Variants in EDIL3 observed in about 807,000 individuals in gnomAD.
EDIL3 encodes EGF like and discoidin domains 3.
A neutral mutation model predicts 67.4 loss-of-function variants in EDIL3; 37 were observed. The ratio of observed to expected loss-of-function variants is 0.55; its 90% CI spans 0.42 to 0.72. The LOEUF (loss-of-function observed/expected upper bound fraction) is 0.72, where lower values mean the gene tolerates loss of function less well. Among genes scored for constraint, EDIL3 ranks in the 30% least tolerant of loss-of-function variants. The probability of loss-of-function intolerance (pLI) is 0.00; values close to 1 mark genes in which losing one functional copy is unlikely to be tolerated. For missense variants in EDIL3, 527 were observed against 586.3 expected (o/e 0.90, Z 1.04); for synonymous variants, 195 against 196.3 (o/e 0.99, Z 0.05).
intron 3 of EDIL3, among the ~76,000 whole-genome samples, chr5:84,189,430 T>C (rs1368681944): frequency 6.6e-6 from 1 of 152,026 alleles, no homozygotes; most frequent in Non-Finnish European, 1.5e-5. Context: ...AATTCCACAA[T>C]GACAGGTAAT....
At chr5:84,300,518 T>G (rs1220753785) in intron 1 of EDIL3, among the ~76,000 whole-genome samples, 1 of 152,240 alleles carries the variant, frequency 6.6e-6, no homozygotes, top group Non-Finnish European at 1.5e-5. Flanking sequence ...TGTTGCAATC[T>G]TATCTATAAA....
At chr5:84,059,374 G>A (rs1201972779) in intron 9 of EDIL3, among the ~76,000 whole-genome samples, 7 of 152,172 alleles carry the variant, frequency 4.6e-5, no homozygotes, top group African/African-American at 1.4e-4. Context: ...CTGCTCTCTA[G>A]CCTGGGCAAC....
At chr5:84,287,776 C>T (rs1430626552) in intron 1 of EDIL3, among the ~76,000 whole-genome samples, 3 of 152,098 alleles carry the variant, frequency 2.0e-5, no homozygotes, top group African/African-American at 7.2e-5. Context: ...ATTTTCTTTA[C>T]TTGGTTTCCA....
At position 84,280,135 on chromosome 5, in the gene EDIL3, G is replaced by T. The variant is rs74332581; in HGVS notation, c.68-25923C>A. 2.0e-3 allele frequency among the ~76,000 whole-genome samples: 312 copies of T among 152,252 alleles called. 1 individual carries two copies. Among genetic ancestry groups the T allele is most frequent in the African/African-American group, 7.2e-3 (298 of 41,554 alleles). ...TCTACATCTTTGCTTTCTATAAAAT[G>T]CCTAGCAAAGAATTGTTTCCTTGTG... On this transcript the variant is annotated intron_variant, in intron 1 of 10. Transcript: ENST00000296591.
chr5:84,185,394 C>T (rs1456965198), intron 3 of EDIL3, among the ~76,000 whole-genome samples: 2 of 152,010 alleles, frequency 1.3e-5, no homozygotes, highest in African/African-American at 2.4e-5. Context: ...TAATGTGAGA[C>T]TGATGTTATG....
chr5:84,054,019 A>G (rs1746395048), intron 9 of EDIL3, among the ~76,000 whole-genome samples: 1 of 152,228 alleles, frequency 6.6e-6, no homozygotes, highest in African/African-American at 2.4e-5. Flanking sequence ...AGAGAATTTT[A>G]GACCAATATC....
rs1744386778 is a variant in EDIL3 at position 83,949,859 on chromosome 5, A to G, written c.1294-6291T>C. On this transcript the variant is annotated intron_variant, in intron 10 of 10. Coordinates refer to ENST00000296591, the MANE Select transcript of EDIL3 (RefSeq NM_005711.5). ...CCCTTGGAATGGCCTGTCTGAGAAG[A>G]GTATTTTTGTTTCCCAGGGGGCTCT... 2.0e-5 allele frequency among the ~76,000 whole-genome samples: 3 copies of G among 151,754 alleles called. No individual in the cohort carries two copies. The South Asian group carries it at 6.2e-4, about 31-fold the overall frequency.
At chr5:84,257,737 A>G (rs1459210787) in intron 1 of EDIL3, among the ~76,000 whole-genome samples, 1 of 152,222 alleles carries the variant, frequency 6.6e-6, no homozygotes, top group Non-Finnish European at 1.5e-5. Context: ...ATGTAGAATT[A>G]AAGAGCCTCT....
At chr5:84,036,605 G>A (rs973744951) in intron 9 of EDIL3, among the ~76,000 whole-genome samples, 2 of 152,106 alleles carry the variant, frequency 1.3e-5, no homozygotes, top group African/African-American at 4.8e-5. Flanking sequence ...ACCTCAAGCA[G>A]GTGGGAATTT....
intron 9 of EDIL3, among the ~76,000 whole-genome samples, chr5:83,977,391 A>T (rs1043067048): frequency 6.6e-6 from 1 of 151,844 alleles, no homozygotes; most frequent in African/African-American, 2.4e-5. Context: ...CACAAGGAAG[A>T]TTCTCAATCA....
chr5:84,245,409 C>T (rs1178894220), intron 2 of EDIL3, among the ~76,000 whole-genome samples: 1 of 152,100 alleles, frequency 6.6e-6, no homozygotes, highest in African/African-American at 2.4e-5. Context: ...CATTATAAAT[C>T]TCAATTTCTC....
chr5:83,983,027 T>TC (rs1744997512), intron 9 of EDIL3, among the ~76,000 whole-genome samples: 1 of 152,134 alleles, frequency 6.6e-6, no homozygotes, highest in South Asian at 2.1e-4. Context: ...CTCATGGGTC[T>TC]CCCCCAGTGG....
intron 5 of EDIL3, among the ~76,000 whole-genome samples, chr5:84,122,211 A>G (rs569128306): frequency 1.3e-5 from 2 of 152,008 alleles, no homozygotes; most frequent in South Asian, 2.1e-4. Flanking sequence ...TGGACTGTCC[A>G]TAACTCTTTC....
Position 84,064,715 on chromosome 5 carries a change from C to A in EDIL3, c.937G>T (p.Gly313Cys). ...RHCTLRMELLGCELSGCSEPL... is the reference protein window; with the variant it reads ...RHCTLRMELLCCELSGCSEPL... ...TGAGACTTACCCGACAGTTCACAGC[C>A]AAGAAGTTCCATTCGCAAAGTGCAA... The change falls in exon 8 of 11, where the codon GGC (glycine) becomes TGC (cysteine). Residue 313 changes from glycine to cysteine, a missense_variant. Physicochemically the swap from Gly to Cys is radical, Grantham distance 159 (BLOSUM62 -3). Around this residue, in one of 2 missense-constraint regions of EDIL3, gnomAD observed 494 missense variants for 522.5 expected, o/e 0.95. Transcript: ENST00000296591. 1 of 1,612,322 alleles carries A rather than the reference C, an allele frequency of 6.2e-7. No individual in the cohort carries two copies. Among genetic ancestry groups the A allele is most frequent in the Non-Finnish European group, 8.5e-7 (1 of 1,178,966 alleles).
At chr5:84,021,227 G>T (rs1745708506) in intron 9 of EDIL3, among the ~76,000 whole-genome samples, 1 of 149,736 alleles carries the variant, frequency 6.7e-6, no homozygotes, top group Non-Finnish European at 1.5e-5. Context: ...GTTTAGTTCT[G>T]CTTTTATCTT....
At chr5:83,955,310 T>G (rs1561384432) in intron 10 of EDIL3, among the ~76,000 whole-genome samples, 1 of 151,800 alleles carries the variant, frequency 6.6e-6, no homozygotes, top group Non-Finnish European at 1.5e-5. Flanking sequence ...TGATAAAGCA[T>G]GTAATAATAA....
At chr5:84,379,932 GA>G (rs945673582) in intron 1 of EDIL3, among the ~76,000 whole-genome samples, 7 of 151,804 alleles carry the variant, frequency 4.6e-5, no homozygotes, top group Non-Finnish European at 1.0e-4. Flanking sequence ...TGATTATCCT[GA>G]CATCTGCTGG....
At chr5:84,154,369 G>A (rs1748452860) in intron 4 of EDIL3, among the ~76,000 whole-genome samples, 1 of 151,976 alleles carries the variant, frequency 6.6e-6, no homozygotes, top group South Asian at 2.1e-4. Flanking sequence ...GTGGAACAAT[G>A]AGAATACTTA....
chr5:84,194,494 C>G lies in EDIL3; in HGVS notation c.227-13973G>C, dbSNP rs62362977. 5.3e-3 allele frequency among the ~76,000 whole-genome samples: 808 copies of G among 152,016 alleles called. 6 individuals carry two copies. The highest frequency in any genetic ancestry group is 6.5e-3 in the Non-Finnish European group (443 of 67,926). ...ATTATTACTTGTGTAAAAAACTTCT[C>G]TGTATGCTTTCTAGTAGACATGAAA... On this transcript the variant is annotated intron_variant, in intron 3 of 10. Transcript: ENST00000296591.
Sources: allele counts gnomAD v4.1 joint callset (sites outside exome capture counted in the v4.1 genomes callset), GRCh38; gene constraint gnomAD v4.1.1; regional missense constraint gnomAD v4.1.1; transcripts MANE v1.5; gene names NCBI Gene and HGNC (gene_info 2026-07-23, HGNC 2026-07-21).